The following UTY variants were observed in gnomAD, a reference collection of about 807,000 sequenced individuals.
UTY encodes histone demethylase UTY.
Under a neutral mutation model 32.5 loss-of-function variants are expected in UTY, and 12 were observed. The ratio of observed to expected loss-of-function variants is 0.37; its 90% CI spans 0.24 to 0.60. The LOEUF is 0.60. UTY is among the 20% of genes least tolerant of loss of function. UTY has a pLI of 0.69. For synonymous variants in UTY, 131 were observed against 103.4 expected, an observed-to-expected ratio of 1.27 and a Z score of -1.62; for missense variants, 303 against 299.2, an observed-to-expected ratio of 1.01 and a Z score of -0.09.
At chrY:13,404,852 A>G in intron 6 of UTY, among the ~76,000 whole-genome samples, 1 of 33,100 alleles carries the variant, frequency 3.0e-5, no homozygotes, top group Admixed American at 2.8e-4. Flanking sequence ...CATATGGAAA[A>G]AAGTGGCAGA....
intron 27 of UTY, among the ~76,000 whole-genome samples, chrY:13,261,872 G>T (rs971688291): frequency 3.1e-5 from 1 of 32,723 alleles, no homozygotes; most frequent in Non-Finnish European, 7.5e-5. Context: ...ATTTCACCAG[G>T]AAAGTCTTAT....
chrY:13,306,264 A>C lies in UTY; in HGVS notation c.3277-14T>G. ...CTCATTTTCTTCCTTCAGGTTAAGA[A>C]AAAAATATTCATACTTAGTATCCTC... On this transcript the variant is annotated splice_polypyrimidine_tract_variant and intron_variant, in intron 21 of 29. Transcript: ENST00000545955. The C allele has an allele frequency of 2.8e-6, 1 of 358,859 alleles. No homozygotes were observed. The highest frequency in any genetic ancestry group is 4.0e-6 in the Non-Finnish European group (1 of 249,849). 89.5% of individuals were successfully genotyped at this position (358,859 alleles called of 400,897 possible). A position where few individuals can be genotyped will look rare whatever the true frequency, so the allele number is the denominator to read the frequency against.
At chrY:13,246,907 A>AG (rs2053955300), downstream of UTY, among the ~76,000 whole-genome samples, 1 of 29,231 alleles carries the variant, frequency 3.4e-5, no homozygotes, top group African/African-American at 1.3e-4. Context: ...AAAAAAAAAA[A>AG]GCAGAAGCCG....
intron 10 of UTY, among the ~76,000 whole-genome samples, chrY:13,362,251 A>T (rs2149284285): frequency 6.0e-5 from 2 of 33,560 alleles, no homozygotes; most frequent in Non-Finnish European, 1.5e-4. Context: ...AGCACAGGGT[A>T]TATTTGAGTT....
chrY:13,370,733 TG>T (rs2149353065), intron 8 of UTY, among the ~76,000 whole-genome samples: 1 of 32,539 alleles, frequency 3.1e-5, no homozygotes, highest in East Asian at 8.1e-4. Flanking sequence ...CATGACAAAA[TG>T]TATCACTTTT....
At chrY:13,346,303 C>T in intron 17 of UTY, among the ~76,000 whole-genome samples, 35 of 33,302 alleles carry the variant, frequency 1.1e-3, no homozygotes, top group Admixed American at 9.5e-3. Flanking sequence ...CCTAGGACTT[C>T]GTATTCCTCT....
At chrY:13,240,189 G>A in intron 28 of UTY, among the ~76,000 whole-genome samples, 1 of 31,403 alleles carries the variant, frequency 3.2e-5, no homozygotes, top group African/African-American at 1.3e-4. Flanking sequence ...CAGACTGAAA[G>A]TAACGGAGGG....
chrY:13,403,351 T>C, intron 6 of UTY, among the ~76,000 whole-genome samples: 1 of 30,666 alleles, frequency 3.3e-5, no homozygotes, highest in Admixed American at 3.0e-4. Context: ...TGGAGTGCAG[T>C]GGTGGGATCT....
chrY:13,426,933 C>A (rs951128399), intron 4 of UTY, among the ~76,000 whole-genome samples: 1 of 32,940 alleles, frequency 3.0e-5, no homozygotes, highest in Non-Finnish European at 7.5e-5. Flanking sequence ...AAAAGTCGAA[C>A]ACTGTAATTG....
At chrY:13,348,114 A>G (rs768962232) in intron 17 of UTY, among the ~76,000 whole-genome samples, 4 of 33,419 alleles carry the variant, frequency 1.2e-4, no homozygotes, top group African/African-American at 2.3e-4. Context: ...TCCCTATTTT[A>G]CCCAGCTGAT....
intron 2 of UTY, among the ~76,000 whole-genome samples, chrY:13,474,442 G>C (rs751065850): frequency 1.8e-3 from 58 of 32,848 alleles, no homozygotes; most frequent in African/African-American, 6.4e-3. Flanking sequence ...GTACAACATA[G>C]AAAACAAGGT....
chrY:13,462,486 C>CT (rs2077456871), intron 3 of UTY, among the ~76,000 whole-genome samples: 1 of 32,804 alleles, frequency 3.0e-5, no homozygotes, highest in Non-Finnish European at 7.4e-5. Flanking sequence ...TACTCTGTCT[C>CT]TAAGGATTTA....
chrY:13,322,606 A>T (rs2059905390), intron 21 of UTY, among the ~76,000 whole-genome samples: 5 of 34,111 alleles, frequency 1.5e-4, no homozygotes, highest in Non-Finnish European at 3.6e-4. Context: ...TAAAGGGGCC[A>T]TATTAAGAAC....
At chrY:13,465,588 G>GAC (rs2077829847) in intron 3 of UTY, among the ~76,000 whole-genome samples, 8 of 32,755 alleles carry the variant, frequency 2.4e-4, no homozygotes, top group African/African-American at 9.5e-4. Context: ...GTTTTATACA[G>GAC]ACACACACAC....
chrY:13,413,544 G>T, intron 5 of UTY, among the ~76,000 whole-genome samples: 1 of 34,443 alleles, frequency 2.9e-5, no homozygotes, highest in Non-Finnish European at 7.3e-5. Flanking sequence ...CACTTCGTGG[G>T]GGCTCAGACA....
intron 28 of UTY, among the ~76,000 whole-genome samples, chrY:13,235,632 A>G (rs756582348): frequency 2.9e-5 from 1 of 34,115 alleles, no homozygotes; most frequent in South Asian, 6.4e-4. Context: ...GGAATTAAAC[A>G]GTTCTAAATA....
chrY:13,240,813 T>C, intron 28 of UTY, among the ~76,000 whole-genome samples: 1 of 32,179 alleles, frequency 3.1e-5, no homozygotes, highest in Admixed American at 2.8e-4. Flanking sequence ...ATGAGCAACA[T>C]AGCTAGACCT....
chrY:13,469,739 G>A, intron 3 of UTY, among the ~76,000 whole-genome samples: 1 of 33,269 alleles, frequency 3.0e-5, no homozygotes, highest in Non-Finnish European at 7.4e-5. Flanking sequence ...AAAGAAAATC[G>A]AGAAATCAAA....
intron 3 of UTY, among the ~76,000 whole-genome samples, chrY:13,468,653 G>A (rs372763103): frequency 9.4e-5 from 3 of 32,017 alleles, no homozygotes; most frequent in East Asian, 8.0e-4. Context: ...GCACTCCAGC[G>A]TGGGTGACAG....
Sources: gnomAD v4.1 joint callset for allele counts (sites outside exome capture counted in the v4.1 genomes callset) on GRCh38, gnomAD v4.1.1 for gene constraint, MANE v1.5 for transcripts, NCBI Gene and HGNC (gene_info 2026-07-23, HGNC 2026-07-21) for gene names.